The following MRPL44 variants were observed in gnomAD, a reference collection of about 807,000 sequenced individuals.
The protein encoded by MRPL44 is mitochondrial ribosomal protein L44.
In MRPL44, 21 loss-of-function variants were observed where a neutral mutation model predicts 25.9. That is an observed-to-expected ratio of 0.81 (90% CI 0.58 to 1.17). The LOEUF is 1.17. Ranked by LOEUF, MRPL44 falls within the 50% of genes most tolerant of loss-of-function variation. The probability of loss-of-function intolerance (pLI) is 0.00; values close to 1 mark genes in which losing one functional copy is unlikely to be tolerated. For missense variants in MRPL44, 410 were observed against 398.9 expected (o/e 1.03, Z -0.24); for synonymous variants, 169 against 151.0 (o/e 1.12, Z -0.87).
At position 223,959,778 on chromosome 2, in the gene MRPL44, G is replaced by T; in HGVS notation, c.424G>T (p.Glu142Ter). The T allele has an allele frequency of 1.2e-6, 2 of 1,614,194 alleles. No homozygotes were observed. The highest frequency in any genetic ancestry group is 1.7e-6 in the Non-Finnish European group (2 of 1,180,028). Residue 142 changes from glutamate (E) to a stop codon, truncating the protein, a stop_gained, in exon 2 of 4, where the codon GAA becomes TAA. Transcript: ENST00000258383. LOFTEE classifies it high-confidence loss of function. ...FSQTCLTQFL[E>*]DEYPDMPTEG... is the part of the protein sequence containing the mutation. ...ACAGACTTGCCTTACACAGTTTCTT[G>T]AAGACGAGTACCCAGACATGCCCAC...
Position 223,959,802 on chromosome 2 carries a change from A to G in MRPL44, c.448A>G (p.Thr150Ala). 1.2e-6 allele frequency: 2 copies of G among 1,614,212 alleles called. No homozygotes were observed. ...FLEDEYPDMP[T>A]EGIKNLVDFL... is the part of the protein sequence containing the mutation. ...TGAAGACGAGTACCCAGACATGCCC[A>G]CTGAAGGCATAAAAAATCTTGTTGA... Residue 150 changes from threonine (T) to alanine (A), a missense_variant, in exon 2 of 4, where the codon ACT becomes GCT. Coordinates refer to ENST00000258383, the MANE Select transcript of MRPL44 (RefSeq NM_022915.5).
In MRPL44 at chr2:223,957,745, G is replaced by C. The variant is rs1194265476; in HGVS notation, c.179+94G>C. On this transcript the variant is annotated intron_variant, in intron 1 of 3. Coordinates refer to ENST00000258383, the MANE Select transcript of MRPL44 (RefSeq NM_022915.5). ...CGTGTCTGCGGCTGATGCGCCCCTG[G>C]GTTAAGCCTTAGGAAGTTTGCGATG... 6.4e-6 allele frequency: 9 copies of C among 1,395,602 alleles called. No individual in the cohort carries two copies. In the East Asian group the frequency reaches 2.2e-4, roughly 35 times the overall value. 86.5% of individuals were successfully genotyped at this position (1,395,602 alleles called of 1,614,324 possible). A position where few individuals can be genotyped will look rare whatever the true frequency, so the allele number is the denominator to read the frequency against.
Position 223,959,972 on chromosome 2 carries a change from T to C in MRPL44, c.618T>C (p.Ser206=). 4 of 1,614,056 alleles carry C rather than the reference T, an allele frequency of 2.5e-6. No individual in the cohort carries two copies. Among genetic ancestry groups the C allele is most frequent in the Non-Finnish European group, 3.4e-6 (4 of 1,179,960 alleles). The change falls in exon 2 of 4, where the codon AGT becomes AGC. Residue 206 remains serine (S), a synonymous_variant. Transcript: ENST00000258383. ...TTATTGGAGCCCTGTTACAGAGCAG[T>C]GGACCTGAGAGGACTGCACTTTTCA... is the stretch of plus-strand genomic sequence containing the variant. The part of the protein sequence containing the change: ...FAVIGALLQS[S]GPERTALFIR...
At chr2:223,951,358 A>G in the MRPL44 span, among the ~76,000 whole-genome samples, 1 of 152,104 alleles carries the variant, frequency 6.6e-6, no homozygotes, top group East Asian at 1.9e-4. Flanking sequence ...ATGGATAAGA[A>G]ATTTTGTGGT....
intron 2 of MRPL44, among the ~76,000 whole-genome samples, chr2:223,962,665 GTT>G (rs1003326772): frequency 6.6e-6 from 1 of 151,996 alleles, no homozygotes; most frequent in African/African-American, 2.4e-5. Flanking sequence ...AGTTTTAAAA[GTT>G]TATGTGAAAT....
chr2:223,959,545 C>T lies in MRPL44; in HGVS notation c.191C>T (p.Pro64Leu), dbSNP rs746244920. 1.0e-5 allele frequency: 16 copies of T among 1,605,856 alleles called. No homozygotes were observed. Among genetic ancestry groups the T allele is most frequent in the Middle Eastern group, 1.7e-4 (1 of 5,872 alleles). The change falls in exon 2 of 4, where the codon CCG (proline) becomes CTG (leucine). Residue 64 changes from proline to leucine, a missense_variant. Pro to Leu is a moderately conservative substitution (Grantham distance 98). Coordinates refer to ENST00000258383, the MANE Select transcript of MRPL44 (RefSeq NM_022915.5). ...CTTTACATTTTCAGTTCAGAGAAGC[C>T]GAACTGGGATTACCATGCAGAAATA... ...PPPPVRRSEK[P>L]NWDYHAEIQA...
At chr2:223,961,820 C>T (rs937320475) in intron 2 of MRPL44, among the ~76,000 whole-genome samples, 2 of 152,082 alleles carry the variant, frequency 1.3e-5, no homozygotes, top group African/African-American at 4.8e-5. Context: ...TAGAAGGAGG[C>T]GATAGAAGGT....
Position 223,957,577 on chromosome 2 carries a change from C to G in MRPL44, c.105C>G (p.Phe35Leu). 1 of 1,613,854 alleles carries G rather than the reference C, an allele frequency of 6.2e-7. No individual in the cohort carries two copies. ...VPPVRGVKKGFRAAFRFQKEL... is the reference protein window; with the variant it reads ...VPPVRGVKKGLRAAFRFQKEL... ...CGGTTCGGGGAGTGAAGAAGGGATTCCGCGCCGCCTTCCGCTTCCAGAAGG... is the reference window on the plus strand; with the variant it reads ...CGGTTCGGGGAGTGAAGAAGGGATTGCGCGCCGCCTTCCGCTTCCAGAAGG... The change falls in exon 1 of 4, where the codon TTC becomes TTG. Residue 35 changes from phenylalanine (F) to leucine (L), a missense_variant. Phe to Leu is a conservative substitution (Grantham distance 22). Transcript: ENST00000258383.
upstream of MRPL44, among the ~76,000 whole-genome samples, chr2:223,954,243 G>A (rs919626939): frequency 1.3e-5 from 2 of 152,066 alleles, no homozygotes; most frequent in Non-Finnish European, 2.9e-5. Context: ...CAAAATCCAC[G>A]CTTCCATCTA....
upstream of MRPL44, among the ~76,000 whole-genome samples, chr2:223,957,067 TA>T (rs1402255690): frequency 1.3e-5 from 2 of 152,360 alleles, no homozygotes; most frequent in Middle Eastern, 3.4e-3. Flanking sequence ...ACACTAAATA[TA>T]AATTAAAAAT....
At chr2:223,957,389 G>T (rs16865356), upstream of MRPL44, 11,275 of 1,560,208 alleles carry the variant, frequency 7.2e-3, 751 homozygotes, top group African/African-American at 0.13. Flanking sequence ...TTCGCGTTCC[G>T]CGTTCCGGGT....
At chr2:223,961,618 T>C (rs750598828) in intron 2 of MRPL44, among the ~76,000 whole-genome samples, 1 of 152,196 alleles carries the variant, frequency 6.6e-6, no homozygotes, top group Non-Finnish European at 1.5e-5. Context: ...CTACAGCGTA[T>C]GTATTTTGAT....
chr2:223,957,396 G>C (rs1186398744), upstream of MRPL44: 2 of 1,575,752 alleles, frequency 1.3e-6, no homozygotes, highest in Non-Finnish European at 1.7e-6. Context: ...TCCGCGTTCC[G>C]GGTTCCGGGG....
At chr2:223,959,499 C>G (rs1454829261) in intron 1 of MRPL44, 35 bp from the exon 2 acceptor site, 1 of 1,491,676 alleles carries the variant, frequency 6.7e-7, no homozygotes. Context: ...ACAGGTTGTT[C>G]TCTTTACCAT....
At chr2:223,952,046 G>A in the MRPL44 span, among the ~76,000 whole-genome samples, 1 of 152,184 alleles carries the variant, frequency 6.6e-6, no homozygotes. Context: ...TACTCTAAGT[G>A]TAATCACAGG....
rs552677646 is a variant in MRPL44, at chr2:223,959,167, G to A, written c.180-367G>A. On this transcript the variant is annotated intron_variant, in intron 1 of 3. Coordinates refer to ENST00000258383, the MANE Select transcript of MRPL44 (RefSeq NM_022915.5). The stretch of plus-strand genomic sequence containing the variant: ...TATAACATACTAGTGTTTATGGCTT[G>A]AATCTGTGAAATTAACATTTATGCT... Among the ~76,000 whole-genome samples the A allele has an allele frequency of 1.6e-3, 247 of 152,266 alleles. 1 individual carries two copies. The highest frequency in any genetic ancestry group is 5.7e-3 in the African/African-American group (238 of 41,562).
chr2:223,954,753 T>C (rs12465843), upstream of MRPL44, among the ~76,000 whole-genome samples: 17,117 of 152,228 alleles, frequency 0.11, 1,203 homozygotes, highest in Middle Eastern at 0.19. Context: ...CCAGAATTGA[T>C]AAAAACATCC....
chr2:223,958,548 T>C (rs1689606885), intron 1 of MRPL44, among the ~76,000 whole-genome samples: 1 of 152,246 alleles, frequency 6.6e-6, no homozygotes, highest in Admixed American at 6.5e-5. Context: ...GAAGAAACTT[T>C]ATGGGTTGGA....
chr2:223,956,834 TAAAG>T (rs143396667), upstream of MRPL44, among the ~76,000 whole-genome samples: 7,934 of 152,316 alleles, frequency 0.052, 292 homozygotes, highest in Non-Finnish European at 0.081. Context: ...AGTGTTAACA[TAAAG>T]AAGGAAGAAA....
Sources: allele counts gnomAD v4.1 joint callset (sites outside exome capture counted in the v4.1 genomes callset), GRCh38; gene constraint gnomAD v4.1.1; transcripts MANE v1.5; gene names NCBI Gene and HGNC (gene_info 2026-07-23, HGNC 2026-07-21).